The following GARNL3 variants were observed in gnomAD, a reference collection of about 807,000 sequenced individuals.
GARNL3 encodes the protein GTPase activating Rap/RanGAP domain like 3.
GARNL3 carries 63 observed loss-of-function variants against 125.0 expected under a neutral mutation model. That is an observed-to-expected ratio of 0.50 (90% confidence interval 0.41 to 0.62). The LOEUF is 0.62. Among genes scored for constraint, GARNL3 ranks in the 20% least tolerant of loss-of-function variants. The pLI is 0.00. For synonymous variants in GARNL3, 439 were observed against 457.5 expected (o/e 0.96, Z 0.52); for missense variants, 994 against 1,244.0 (o/e 0.80, Z 3.02).
At chr9:127,369,082 T>C (rs544773045) in intron 22 of GARNL3, 2 of 151,424 alleles carry the variant, frequency 1.3e-5, no homozygotes, top group Admixed American at 1.3e-4. Context: ...AGCTTTCCTG[T>C]TTACACTACT....
intron 16 of GARNL3, among the ~76,000 whole-genome samples, chr9:127,348,337 A>G (rs752989092): frequency 3.9e-5 from 6 of 152,236 alleles, no homozygotes; most frequent in Non-Finnish European, 7.3e-5. Context: ...TTTGCTTGGT[A>G]TAGATATGTC....
chr9:127,236,744 G>T (rs899665009), intron 1 of GARNL3, among the ~76,000 whole-genome samples: 1 of 152,168 alleles, frequency 6.6e-6, no homozygotes, highest in African/African-American at 2.4e-5. Context: ...TCTTTTGGTT[G>T]CTCCTCAACA....
chr9:127,318,971 C>T (rs891607186), intron 5 of GARNL3, among the ~76,000 whole-genome samples: 1 of 152,140 alleles, frequency 6.6e-6, no homozygotes, highest in South Asian at 2.1e-4. Flanking sequence ...CATGTGACTC[C>T]AGAGCTTGGG....
intron 2 of GARNL3, among the ~76,000 whole-genome samples, chr9:127,305,870 G>T (rs1425889837): frequency 6.6e-6 from 1 of 152,146 alleles, no homozygotes; most frequent in Admixed American, 6.5e-5. Context: ...AAAATGCTGG[G>T]ATTATAGGCA....
At position 127,311,682 on chromosome 9, in the gene GARNL3, T is replaced by TA; in HGVS notation, c.267dup (p.Glu90ArgfsTer40). Reference sequence around the variant, plus strand: ...ACTTGGCGAAGAACAGACGTGCACTTAGAGAACCCAGAATACCACACCAGA... The same window carrying TA: ...ACTTGGCGAAGAACAGACGTGCACTTAAGAGAACCCAGAATACCACACCAGA... On this transcript the variant is annotated frameshift_variant, in exon 3 of 28. Coordinates refer to ENST00000373387, the MANE Select transcript of GARNL3 (RefSeq NM_032293.5). LOFTEE classifies it high-confidence loss of function. The TA allele has an allele frequency of 6.2e-7, 1 of 1,613,810 alleles. No individual in the cohort carries two copies. Among genetic ancestry groups the TA allele is most frequent in the Non-Finnish European group, 8.5e-7 (1 of 1,179,734 alleles).
intron 2 of GARNL3, among the ~76,000 whole-genome samples, chr9:127,308,273 C>A (rs1405496410): frequency 1.3e-5 from 2 of 151,990 alleles, no homozygotes; most frequent in African/African-American, 4.8e-5. Flanking sequence ...GTCTGCATAC[C>A]CTGAATCTAA....
At chr9:127,347,286 G>C (rs2131631567) in intron 16 of GARNL3, among the ~76,000 whole-genome samples, 2 of 152,236 alleles carry the variant, frequency 1.3e-5, no homozygotes, top group Middle Eastern at 6.8e-3. Context: ...GCCGGGCATG[G>C]TGGCTCATGC....
chr9:127,235,703 G>T (rs1298122505), intron 1 of GARNL3, among the ~76,000 whole-genome samples: 6 of 152,062 alleles, frequency 3.9e-5, no homozygotes, highest in Non-Finnish European at 8.8e-5. Flanking sequence ...ATGTTGATAG[G>T]TCAGACAAAA....
chr9:127,326,740 T>G (rs1464584201), intron 7 of GARNL3, among the ~76,000 whole-genome samples: 1 of 152,134 alleles, frequency 6.6e-6, no homozygotes, highest in Non-Finnish European at 1.5e-5. Flanking sequence ...GGTGGGGCCT[T>G]GGGAAGTAAT....
chr9:127,296,594 C>T (rs2064599924), intron 2 of GARNL3, among the ~76,000 whole-genome samples: 1 of 151,414 alleles, frequency 6.6e-6, no homozygotes, highest in Admixed American at 6.6e-5. Context: ...GCCTCAGCCT[C>T]CCAAGTAGCT....
At chr9:127,325,781 C>G (rs147207300) in intron 7 of GARNL3, among the ~76,000 whole-genome samples, 410 of 152,272 alleles carry the variant, frequency 2.7e-3, no homozygotes, top group African/African-American at 9.3e-3. Context: ...GGATGCCACC[C>G]CATCCTCTCT....
At chr9:127,255,690 C>T (rs2063483804) in intron 2 of GARNL3, among the ~76,000 whole-genome samples, 1 of 152,132 alleles carries the variant, frequency 6.6e-6, no homozygotes, top group Non-Finnish European at 1.5e-5. Flanking sequence ...GGTTTGAGAA[C>T]CAAGATCTAG....
chr9:127,378,405 G>A (rs1361895207), intron 22 of GARNL3, among the ~76,000 whole-genome samples: 1 of 152,036 alleles, frequency 6.6e-6, no homozygotes, highest in East Asian at 1.9e-4. Context: ...TGGCCAACTT[G>A]GAGAAACCCC....
chr9:127,308,293 T>C (rs62578829), intron 2 of GARNL3, among the ~76,000 whole-genome samples: 27,125 of 152,020 alleles, frequency 0.18, 2,527 homozygotes, highest in East Asian at 0.22. Context: ...ACTGGGGAAA[T>C]ATCAGACAAA....
intron 22 of GARNL3, among the ~76,000 whole-genome samples, chr9:127,376,580 TTC>T (rs1491334188): frequency 3.0e-4 from 44 of 145,758 alleles, no homozygotes; most frequent in Non-Finnish European, 5.6e-4. Flanking sequence ...GTGGACAGCT[TTC>T]TTTCTTTCTT....
rs567389435 is a variant in GARNL3 at position 127,252,780 on chromosome 9, T to G, written c.143+9531T>G. Among the ~76,000 whole-genome samples, 7 of 152,386 alleles carry G rather than the reference T, an allele frequency of 4.6e-5. No individual in the cohort carries two copies. The East Asian group carries it at 1.3e-3, about 29-fold the overall frequency. On this transcript the variant is annotated intron_variant, in intron 2 of 10. Transcript: ENST00000439286. ...TACATGCAATAAAATGCAGATATCT[T>G]AAATATACAGTGGGATGAATTTTGA...
At chr9:127,303,985 A>T (rs868500085) in intron 2 of GARNL3, among the ~76,000 whole-genome samples, 7 of 152,332 alleles carry the variant, frequency 4.6e-5, no homozygotes, top group Non-Finnish European at 2.9e-5. Flanking sequence ...TGAATGCAGC[A>T]TGGAGCAACT....
At chr9:127,335,800 G>T (rs1332802175) in intron 10 of GARNL3, among the ~76,000 whole-genome samples, 1 of 152,148 alleles carries the variant, frequency 6.6e-6, no homozygotes, top group African/African-American at 2.4e-5. Context: ...GTGGTCCTGT[G>T]TGATGGTTGA....
intron 1 of GARNL3, among the ~76,000 whole-genome samples, chr9:127,225,968 A>C (rs961838835): frequency 6.6e-6 from 1 of 152,184 alleles, no homozygotes; most frequent in Non-Finnish European, 1.5e-5. Context: ...CTTCCCTGGC[A>C]GTCCCTGAAC....
Sources: allele counts gnomAD v4.1 joint callset (sites outside exome capture counted in the v4.1 genomes callset), GRCh38; gene constraint gnomAD v4.1.1; transcripts MANE v1.5; gene names NCBI Gene and HGNC (gene_info 2026-07-23, HGNC 2026-07-21).